Variants in MCF2L2 observed in about 807,000 individuals in gnomAD.
The protein encoded by MCF2L2 is probable guanine nucleotide exchange factor MCF2L2.
A neutral mutation model predicts 150.2 loss-of-function variants in MCF2L2; 102 were observed. That is an observed-to-expected ratio of 0.68 (90% CI 0.58 to 0.80). MCF2L2 has a LOEUF of 0.80. Ranked by LOEUF, MCF2L2 falls within the 30% of genes least tolerant of loss-of-function variation. MCF2L2 has a pLI of 0.00. For synonymous variants in MCF2L2, 465 were observed against 491.3 expected (o/e 0.95, Z 0.71); for missense variants, 1,256 against 1,372.8 (o/e 0.91, Z 1.34).
At chr3:183,321,298 C>T (rs1487197756) in intron 6 of MCF2L2, among the ~76,000 whole-genome samples, 2 of 151,868 alleles carry the variant, frequency 1.3e-5, no homozygotes, top group Non-Finnish European at 2.9e-5. Flanking sequence ...ATTAGCTGGG[C>T]GTGGTGGCGC....
chr3:183,352,111 T>C (rs1372651780), intron 3 of MCF2L2, among the ~76,000 whole-genome samples: 1 of 152,240 alleles, frequency 6.6e-6, no homozygotes, highest in African/African-American at 2.4e-5. Context: ...ATCTTCATCA[T>C]ACTTTCTCTC....
chr3:183,206,910 AAAGAAAGGAAGGAAGG>A (rs1560341065), intron 23 of MCF2L2, among the ~76,000 whole-genome samples: 7 of 143,626 alleles, frequency 4.9e-5, no homozygotes, highest in Admixed American at 2.1e-4. Context: ...AGACAGAAAG[AAAGAAAGGAAGGAAGG>A]AAGGAAGGAA....
At chr3:183,262,973 A>G (rs775542693) in intron 15 of MCF2L2, among the ~76,000 whole-genome samples, 3 of 152,102 alleles carry the variant, frequency 2.0e-5, no homozygotes, top group East Asian at 1.9e-4. Context: ...AAGGTGTCCA[A>G]TGATTCTGCA....
intron 15 of MCF2L2, among the ~76,000 whole-genome samples, chr3:183,274,535 ATATT>A (rs1560395666): frequency 2.0e-5 from 3 of 152,204 alleles, no homozygotes. Flanking sequence ...AACTCAATCT[ATATT>A]TAAAACTTGT....
intron 5 of MCF2L2, among the ~76,000 whole-genome samples, chr3:183,335,959 C>A (rs560341068): frequency 6.6e-6 from 1 of 152,174 alleles, no homozygotes; most frequent in Non-Finnish European, 1.5e-5. Context: ...GCGTTCGTCA[C>A]CTCCCAAGGA....
At chr3:183,298,186 A>G (rs960229406) in intron 11 of MCF2L2, 1 of 152,196 alleles carries the variant, frequency 6.6e-6, no homozygotes, top group Non-Finnish European at 1.5e-5. Flanking sequence ...TTCAATTTTT[A>G]AAAAAGACTC....
intron 5 of MCF2L2, among the ~76,000 whole-genome samples, chr3:183,325,130 G>C (rs1419635288): frequency 1.8e-5 from 2 of 109,670 alleles, no homozygotes; most frequent in Admixed American, 2.2e-4. Context: ...GGTGGGGGGA[G>C]GGGGGAGGGA....
At chr3:183,393,857 C>G (rs1450632939) in intron 1 of MCF2L2, among the ~76,000 whole-genome samples, 1 of 152,214 alleles carries the variant, frequency 6.6e-6, no homozygotes, top group African/African-American at 2.4e-5. Context: ...CTCCTTACAA[C>G]AGAGGGCAGG....
rs775780906 is a variant in MCF2L2, at chr3:183,427,956, CTTCTT to C, written c.17_21del (p.Lys6ArgfsTer20). ...CGGGTGAGCTCCTGGGGAGGCATCT[CTTCTT>C]TTAAGCAAGACAGCATTTCACTGAA... is the stretch of plus-strand genomic sequence containing the variant. On this transcript the variant is annotated frameshift_variant, in exon 1 of 30. Coordinates refer to ENST00000328913, the MANE Select transcript of MCF2L2 (RefSeq NM_015078.4). LOFTEE classifies it high-confidence loss of function. The C allele has an allele frequency of 2.7e-5, 43 of 1,613,706 alleles. No homozygotes were observed. The Admixed American group carries it at 6.8e-4, about 26-fold the overall frequency.
At chr3:183,320,754 C>A (rs983100077) in intron 6 of MCF2L2, among the ~76,000 whole-genome samples, 2 of 152,182 alleles carry the variant, frequency 1.3e-5, no homozygotes. Context: ...CCATCAAGAA[C>A]TTTTCCTTTG....
At chr3:183,413,164 G>A (rs1214759719) in intron 1 of MCF2L2, among the ~76,000 whole-genome samples, 2 of 152,040 alleles carry the variant, frequency 1.3e-5, no homozygotes, top group Non-Finnish European at 2.9e-5. Context: ...GTTGACCTTT[G>A]AACAATGTAG....
intron 5 of MCF2L2, among the ~76,000 whole-genome samples, chr3:183,333,722 T>C (rs1383424231): frequency 2.0e-5 from 3 of 152,202 alleles, no homozygotes; most frequent in Non-Finnish European, 4.4e-5. Context: ...TAATTACAAA[T>C]GTGTACATGT....
At position 183,423,366 on chromosome 3, in the gene MCF2L2, C is replaced by T. The variant is rs181498043; in HGVS notation, c.76+4536G>A. Among the ~76,000 whole-genome samples, 9 of 152,294 alleles carry T rather than the reference C, an allele frequency of 5.9e-5. No homozygotes were observed. In the East Asian group the frequency reaches 1.7e-3, roughly 29 times the overall value. ...GTCCCAGAAGTAGCAACCTGGGTTA[C>T]AGATCAGTATCCTAGAGCCTCTGTC... On this transcript the variant is annotated intron_variant, in intron 1 of 29. Transcript: ENST00000328913.
At chr3:183,351,204 A>G (rs1242863687) in intron 3 of MCF2L2, among the ~76,000 whole-genome samples, 17 of 71,120 alleles carry the variant, frequency 2.4e-4, no homozygotes, top group African/African-American at 9.9e-4. Context: ...ATATATATAT[A>G]TATATATATA....
chr3:183,364,643 T>C (rs1712419134), intron 3 of MCF2L2, among the ~76,000 whole-genome samples: 1 of 151,820 alleles, frequency 6.6e-6, no homozygotes, highest in South Asian at 2.1e-4. Flanking sequence ...AACCACTAGC[T>C]AACTTAAGAA....
rs767805067 is a variant in MCF2L2, at chr3:183,427,887, T to G, written c.76+15A>C. The G allele has an allele frequency of 6.2e-7, 1 of 1,612,408 alleles. No individual in the cohort carries two copies. On this transcript the variant is annotated intron_variant, in intron 1 of 29. Coordinates refer to ENST00000328913, the MANE Select transcript of MCF2L2 (RefSeq NM_015078.4). ...GCCATTAATAAAACGCAGGAAAAAT[T>G]AAAGCTTCGTTTACCGACATGAGTG...
intron 9 of MCF2L2, 141 bp from the exon 10 acceptor site, chr3:183,309,976 T>G: frequency 1.2e-6 from 1 of 819,756 alleles, no homozygotes. Flanking sequence ...AAAATTTTTT[T>G]TTTGCAGCTC....
intron 27 of MCF2L2, among the ~76,000 whole-genome samples, chr3:183,183,647 G>A (rs1576903977): frequency 6.6e-6 from 1 of 152,196 alleles, no homozygotes; most frequent in Non-Finnish European, 1.5e-5. Context: ...CATCGATTTT[G>A]CAGTCTTGGT....
intron 5 of MCF2L2, among the ~76,000 whole-genome samples, chr3:183,330,003 C>T (rs1730201807): frequency 6.6e-6 from 1 of 151,730 alleles, no homozygotes. Context: ...GGGAGGCTGA[C>T]ACAGGAGGAT....
Sources: allele counts gnomAD v4.1 joint callset (sites outside exome capture counted in the v4.1 genomes callset), GRCh38; gene constraint gnomAD v4.1.1; transcripts MANE v1.5; gene names NCBI Gene and HGNC (gene_info 2026-07-23, HGNC 2026-07-21).